Variants in DGKB observed in about 807,000 individuals in gnomAD.
DGKB encodes 90 kDa diacylglycerol kinase.
In DGKB, 67 loss-of-function variants were observed where a neutral mutation model predicts 114.3. The observed-to-expected ratio is 0.59, with a 90% CI of 0.48 to 0.72. The LOEUF is 0.72. Among genes scored for constraint, DGKB ranks in the 30% least tolerant of loss-of-function variants. The pLI is 0.00. For missense variants in DGKB, 907 were observed against 975.2 expected (o/e 0.93, Z 0.93); for synonymous variants, 398 against 323.1 (o/e 1.23, Z -2.49).
intron 20 of DGKB, among the ~76,000 whole-genome samples, chr7:14,545,489 C>T (rs540613864): frequency 1.3e-5 from 2 of 152,296 alleles, no homozygotes; most frequent in South Asian, 4.1e-4. Context: ...GAGAAAACAT[C>T]TCTCAAAAAT....
At chr7:14,189,958 AG>A (rs1784062340) in intron 23 of DGKB, among the ~76,000 whole-genome samples, 1 of 152,198 alleles carries the variant, frequency 6.6e-6, no homozygotes, top group Non-Finnish European at 1.5e-5. Flanking sequence ...ACAAAATAGT[AG>A]GGGATTACAC....
chr7:14,656,408 GT>G (rs1367644171), intron 13 of DGKB, among the ~76,000 whole-genome samples: 1 of 150,766 alleles, frequency 6.6e-6, no homozygotes, highest in African/African-American at 2.4e-5. Flanking sequence ...TTTTTTCTAG[GT>G]TTGAGGTCAG....
chr7:14,589,318 T>C (rs1187198778), intron 17 of DGKB, among the ~76,000 whole-genome samples: 1 of 152,002 alleles, frequency 6.6e-6, no homozygotes, highest in African/African-American at 2.4e-5. Flanking sequence ...ATGTATGTAA[T>C]TGTGGCATTT....
At chr7:14,753,282 T>C (rs997661789) in intron 4 of DGKB, among the ~76,000 whole-genome samples, 2 of 152,164 alleles carry the variant, frequency 1.3e-5, no homozygotes, top group African/African-American at 2.4e-5. Context: ...GCGAAGACAA[T>C]TGATATAGCT....
chr7:14,687,179 T>G (rs2128979780), intron 9 of DGKB, among the ~76,000 whole-genome samples: 2 of 152,200 alleles, frequency 1.3e-5, no homozygotes, highest in Middle Eastern at 6.8e-3. Context: ...GCTCTCTTTG[T>G]TGTGAATAAC....
intron 20 of DGKB, among the ~76,000 whole-genome samples, chr7:14,535,086 A>G (rs570025874): frequency 3.3e-5 from 5 of 152,306 alleles, no homozygotes; most frequent in African/African-American, 1.2e-4. Flanking sequence ...AAAAGAATAA[A>G]TGGCAAGGCA....
At chr7:14,445,080 G>A (rs1204469240) in intron 21 of DGKB, among the ~76,000 whole-genome samples, 1 of 151,474 alleles carries the variant, frequency 6.6e-6, no homozygotes, top group African/African-American at 2.4e-5. Context: ...TTCCCACCTC[G>A]GTCACTTATA....
intron 21 of DGKB, among the ~76,000 whole-genome samples, chr7:14,378,104 T>G (rs931132601): frequency 2.0e-4 from 30 of 152,322 alleles, no homozygotes; most frequent in African/African-American, 7.2e-4. Flanking sequence ...CAGGGGTGAC[T>G]GAGCCAAAAT....
At chr7:14,727,952 A>C (rs1830266343) in intron 5 of DGKB, among the ~76,000 whole-genome samples, 4 of 152,206 alleles carry the variant, frequency 2.6e-5, no homozygotes, top group African/African-American at 9.6e-5. Context: ...CCAAGGTTCA[A>C]GTATCTCATT....
At chr7:14,692,712 T>A (rs577639314) in intron 9 of DGKB, among the ~76,000 whole-genome samples, 12 of 151,148 alleles carry the variant, frequency 7.9e-5, no homozygotes, top group Admixed American at 5.9e-4. Flanking sequence ...TTTGTTTAAA[T>A]AAATTAGTTT....
intron 23 of DGKB, among the ~76,000 whole-genome samples, chr7:14,178,986 G>A (rs148380721): frequency 6.1e-4 from 93 of 152,234 alleles, no homozygotes; most frequent in Non-Finnish European, 1.1e-3. Flanking sequence ...CATTGGAGAT[G>A]TTAATAATTA....
intron 21 of DGKB, among the ~76,000 whole-genome samples, chr7:14,350,026 G>A (rs1053273361): frequency 3.9e-5 from 6 of 152,160 alleles, no homozygotes; most frequent in South Asian, 2.1e-4. Flanking sequence ...TTGAATTAAC[G>A]TAGTAAACCC....
At chr7:14,893,148 ACT>A (rs1364321005) in intron 1 of DGKB, among the ~76,000 whole-genome samples, 2 of 150,992 alleles carry the variant, frequency 1.3e-5, no homozygotes, top group Non-Finnish European at 1.5e-5. Context: ...TGAATGAGTC[ACT>A]CTGTCTCCAT....
rs140269617 is a variant in DGKB, at chr7:14,748,434, A to G, written c.168+5494T>C. Among the ~76,000 whole-genome samples the G allele has an allele frequency of 5.4e-3, 824 of 152,330 alleles. 10 individuals carry two copies. The highest frequency in any genetic ancestry group is 0.019 in the African/African-American group (787 of 41,576). ...AAGGTGATGAGGCACATATTTGCACATATTTGGAGAAAGCACATTTCAGGC... is the reference window on the plus strand; with the variant it reads ...AAGGTGATGAGGCACATATTTGCACGTATTTGGAGAAAGCACATTTCAGGC... On this transcript the variant is annotated intron_variant, in intron 4 of 25. Coordinates refer to ENST00000402815, the MANE Select transcript of DGKB (RefSeq NM_001350709.2).
At chr7:14,684,268 G>A (rs938265076) in intron 10 of DGKB, among the ~76,000 whole-genome samples, 8 of 151,900 alleles carry the variant, frequency 5.3e-5, no homozygotes, top group Non-Finnish European at 1.0e-4. Context: ...GCTAGCTAAC[G>A]ACAAACAAAC....
chr7:14,470,671 AT>A (rs2128886813), intron 21 of DGKB, among the ~76,000 whole-genome samples: 1 of 151,912 alleles, frequency 6.6e-6, no homozygotes, highest in African/African-American at 2.4e-5. Flanking sequence ...CCTATATTCT[AT>A]TTGCTATGTC....
chr7:14,531,635 A>C (rs1791598493), intron 20 of DGKB, among the ~76,000 whole-genome samples: 1 of 147,106 alleles, frequency 6.8e-6, no homozygotes, highest in South Asian at 2.2e-4. Context: ...AAATAAATGT[A>C]ATAAAATCCT....
chr7:14,893,198 G>C (rs1181467370), intron 1 of DGKB, among the ~76,000 whole-genome samples: 1 of 150,908 alleles, frequency 6.6e-6, no homozygotes, highest in Non-Finnish European at 1.5e-5. Flanking sequence ...TTTTTGTCTG[G>C]GTTTCACCCC....
chr7:14,436,425 G>A (rs1829278440), intron 21 of DGKB, among the ~76,000 whole-genome samples: 1 of 152,064 alleles, frequency 6.6e-6, no homozygotes, highest in African/African-American at 2.4e-5. Context: ...TATGGGTGTT[G>A]TTTTTCCTCT....
Sources: gnomAD v4.1 joint callset for allele counts (sites outside exome capture counted in the v4.1 genomes callset) on GRCh38, gnomAD v4.1.1 for gene constraint, MANE v1.5 for transcripts, NCBI Gene and HGNC (gene_info 2026-07-23, HGNC 2026-07-21) for gene names.